SLC4A5: variants seen among roughly 807,000 people sequenced by gnomAD.
The protein encoded by SLC4A5 is solute carrier family 4 member 5, also known as electrogenic sodium bicarbonate cotransporter 4.
In SLC4A5, 96 loss-of-function variants were observed where a neutral mutation model predicts 120.4. The ratio of observed to expected loss-of-function variants is 0.80; its 90% CI spans 0.68 to 0.94. The LOEUF is 0.94. SLC4A5 is among the 40% of genes least tolerant of loss of function. The probability of loss-of-function intolerance (pLI) is 0.00; values close to 1 mark genes in which losing one functional copy is unlikely to be tolerated. For missense variants in SLC4A5, 1,259 were observed against 1,459.5 expected (o/e 0.86, Z 2.24); for synonymous variants, 550 against 571.1 (o/e 0.96, Z 0.53).
Position 74,334,850 on chromosome 2 carries a change from ATAGT to A in SLC4A5, c.-220-677_-220-674del, listed in dbSNP as rs537140389. On this transcript the variant is annotated intron_variant, in intron 3 of 30. Transcript: ENST00000394019. The stretch of plus-strand genomic sequence containing the variant: ...TAGGTCAATGTCTGGCCCACAGGGA[ATAGT>A]TAGTATTAACTAATAATATTATTAT... Among the ~76,000 whole-genome samples the A allele has an allele frequency of 1.7e-4, 26 of 152,318 alleles. No homozygotes were observed. In the East Asian group the frequency reaches 4.6e-3, roughly 27 times the overall value.
At chr2:74,268,811 A>G (rs1406458625) in intron 8 of SLC4A5, among the ~76,000 whole-genome samples, 3 of 152,034 alleles carry the variant, frequency 2.0e-5, no homozygotes, top group Admixed American at 2.0e-4. Flanking sequence ...TCACATTTGC[A>G]CTCTTCTGAT....
chr2:74,307,057 C>G (rs2104268996), intron 6 of SLC4A5: 1 of 567,572 alleles, frequency 1.8e-6, no homozygotes, highest in East Asian at 3.9e-5. Flanking sequence ...AGGCTGTTTC[C>G]CAAGCTGACC....
intron 12 of SLC4A5, 116 bp from the exon 13 acceptor site, chr2:74,256,048 A>C: frequency 9.0e-7 from 1 of 1,107,930 alleles, no homozygotes; most frequent in Non-Finnish European, 1.3e-6. Flanking sequence ...AATGTTGCCA[A>C]GAGACTGAAA....
At chr2:74,236,418 G>C (rs1670270478) in intron 21 of SLC4A5, among the ~76,000 whole-genome samples, 1 of 151,886 alleles carries the variant, frequency 6.6e-6, no homozygotes, top group African/African-American at 2.4e-5. Flanking sequence ...TCTCCATCTT[G>C]CAAGGTGAGG....
chr2:74,304,419 T>G (rs1672573132), intron 7 of SLC4A5, 70 bp downstream of exon 7: 1 of 1,447,186 alleles, frequency 6.9e-7, no homozygotes. Flanking sequence ...AAATCCCCCC[T>G]GCCCTGCTGG....
At chr2:74,309,265 C>T (rs1001107641) in intron 6 of SLC4A5, among the ~76,000 whole-genome samples, 1 of 151,930 alleles carries the variant, frequency 6.6e-6, no homozygotes, top group African/African-American at 2.4e-5. Flanking sequence ...GTTATTCCAT[C>T]ACCATTTGCT....
At chr2:74,217,456 T>G (rs1343938235) in exon 31 of SLC4A5, 1 of 152,218 alleles carries the variant, frequency 6.6e-6, no homozygotes, top group African/African-American at 2.4e-5. Context: ...TGATTAATAT[T>G]GCAAAGTTGT....
intron 8 of SLC4A5, among the ~76,000 whole-genome samples, chr2:74,279,802 C>T (rs114570153): frequency 2.2e-4 from 34 of 152,320 alleles, no homozygotes; most frequent in African/African-American, 7.9e-4. Context: ...ATGAGGTACT[C>T]ACTAGCTCAG....
chr2:74,301,477 T>G (rs1361963763), intron 7 of SLC4A5, among the ~76,000 whole-genome samples: 1 of 152,224 alleles, frequency 6.6e-6, no homozygotes, highest in Non-Finnish European at 1.5e-5. Context: ...TGCTGGGCTA[T>G]GCAGCCAGAC....
intron 3 of SLC4A5, among the ~76,000 whole-genome samples, chr2:74,336,027 C>G (rs1673479470): frequency 6.6e-6 from 1 of 152,258 alleles, no homozygotes; most frequent in Middle Eastern, 3.4e-3. Context: ...TACCTTACCT[C>G]AATTAATCCT....
intron 8 of SLC4A5, among the ~76,000 whole-genome samples, chr2:74,278,929 A>T (rs1450450126): frequency 6.6e-6 from 1 of 152,200 alleles, no homozygotes; most frequent in African/African-American, 2.4e-5. Flanking sequence ...CAGCTCCTAC[A>T]GTCGCTTTTC....
intron 6 of SLC4A5, 121 bp downstream of exon 6, chr2:74,314,824 G>A: frequency 5.8e-6 from 5 of 855,088 alleles, no homozygotes; most frequent in South Asian, 1.4e-5. Flanking sequence ...GAGACACTGT[G>A]GATGAGTCAG....
chr2:74,314,854 A>G lies in SLC4A5; in HGVS notation c.79+91T>C, dbSNP rs570990706. Reference sequence around the variant, plus strand: ...AGTCAGGAAAAGGGACCTGCTCCCTAGACTCTCCTGCTGAAAGAGCTGTCA... The same window carrying G: ...AGTCAGGAAAAGGGACCTGCTCCCTGGACTCTCCTGCTGAAAGAGCTGTCA... On this transcript the variant is annotated intron_variant, in intron 6 of 30. Transcript: ENST00000394019. 1.7e-5 allele frequency: 21 copies of G among 1,204,214 alleles called. No homozygotes were observed. The Admixed American group carries it at 2.7e-4, about 16-fold the overall frequency. 74.6% of individuals were successfully genotyped at this position (1,204,214 alleles called of 1,614,324 possible).
chr2:74,332,597 C>T (rs963426447), intron 4 of SLC4A5, among the ~76,000 whole-genome samples: 1 of 152,084 alleles, frequency 6.6e-6, no homozygotes, highest in Admixed American at 6.5e-5. Flanking sequence ...TCAGTCCATT[C>T]GTTAACTTTT....
intron 28 of SLC4A5, among the ~76,000 whole-genome samples, chr2:74,224,205 C>T (rs1694760805): frequency 6.6e-6 from 1 of 152,108 alleles, no homozygotes; most frequent in Non-Finnish European, 1.5e-5. Flanking sequence ...TCTGGACTGG[C>T]CCCTTGTCTG....
intron 11 of SLC4A5, among the ~76,000 whole-genome samples, chr2:74,260,403 G>A (rs368899321): frequency 1.3e-5 from 2 of 151,982 alleles, no homozygotes; most frequent in East Asian, 1.9e-4. Context: ...CAGCCTCTCC[G>A]CTGGTCAATC....
exon 31 of SLC4A5, chr2:74,216,377 A>G (rs1694444888): frequency 6.6e-6 from 1 of 152,262 alleles, no homozygotes; most frequent in East Asian, 1.9e-4. Context: ...CAAAATATAA[A>G]TGACATGTAA....
chr2:74,296,841 G>T (rs1006825101), intron 7 of SLC4A5, among the ~76,000 whole-genome samples: 1 of 150,942 alleles, frequency 6.6e-6, no homozygotes, highest in South Asian at 2.1e-4. Context: ...TGTTTGAAAC[G>T]TGGCCTGCCT....
intron 19 of SLC4A5, among the ~76,000 whole-genome samples, chr2:74,246,002 CTG>C (rs1214980145): frequency 6.6e-6 from 1 of 152,174 alleles, no homozygotes; most frequent in Non-Finnish European, 1.5e-5. Flanking sequence ...AGTTTGCTCT[CTG>C]TGAGTCCAGC....
Sources: allele counts gnomAD v4.1 joint callset (sites outside exome capture counted in the v4.1 genomes callset), GRCh38; gene constraint gnomAD v4.1.1; transcripts MANE v1.5; gene names NCBI Gene and HGNC (gene_info 2026-07-23, HGNC 2026-07-21).